The following COL11A1 variants were observed in gnomAD, a reference collection of about 807,000 sequenced individuals.
The protein encoded by COL11A1 is collagen alpha-1(XI) chain.
Under a neutral mutation model 265.2 loss-of-function variants are expected in COL11A1, and 74 were observed. That is an observed-to-expected ratio of 0.28 (90% CI 0.23 to 0.34). COL11A1 has a LOEUF of 0.34. Among genes scored for constraint, COL11A1 ranks in the 10% least tolerant of loss-of-function variants. The pLI, the probability that COL11A1 is intolerant of heterozygous loss-of-function variation, is 1.00. For synonymous variants in COL11A1, 816 were observed against 727.6 expected (o/e 1.12, Z -1.96); for missense variants, 2,165 against 2,263.6 (o/e 0.96, Z 0.88).
intron 4 of COL11A1, 56 bp downstream of exon 4, chr1:103,074,562 T>C: frequency 6.3e-7 from 1 of 1,591,244 alleles, no homozygotes; most frequent in Non-Finnish European, 8.6e-7. Context: ...TTTACTGTTG[T>C]TAACCCAGTT....
intron 4 of COL11A1, among the ~76,000 whole-genome samples, chr1:103,058,061 A>C (rs1329658220): frequency 6.6e-6 from 1 of 152,202 alleles, no homozygotes; most frequent in Non-Finnish European, 1.5e-5. Context: ...TTTTGTTTAC[A>C]TTGGAAATCT....
chr1:102,985,563 A>T (rs1663454484), intron 30 of COL11A1, among the ~76,000 whole-genome samples: 1 of 152,182 alleles, frequency 6.6e-6, no homozygotes, highest in African/African-American at 2.4e-5. Flanking sequence ...TAATTACCAC[A>T]TTAGAATGTA....
At position 102,984,180 on chromosome 1, in the gene COL11A1, T is replaced by A; in HGVS notation, c.2514A>T (p.Gly838=). ...CTGGATATCCTGGTAATCCTGGAAC[T>A]CCAAGTTTTCCCTACAGTTAAAATA... The part of the protein sequence containing the change: ...SGQAGEKGKL[G]VPGLPGYPGR... Residue 838 remains glycine, a synonymous_variant, in exon 31 of 67, where the codon GGA becomes GGT. Coordinates refer to ENST00000370096, the MANE Select transcript of COL11A1 (RefSeq NM_001854.4). 1.3e-6 allele frequency: 2 copies of A among 1,595,426 alleles called. No homozygotes were observed. Among genetic ancestry groups the A allele is most frequent in the African/African-American group, 2.7e-5 (2 of 74,632 alleles).
intron 46 of COL11A1, among the ~76,000 whole-genome samples, chr1:102,928,654 C>T (rs1656953878): frequency 6.6e-6 from 1 of 150,858 alleles, no homozygotes; most frequent in East Asian, 2.0e-4. Flanking sequence ...GTTCTAGATC[C>T]CTGAGGAATC....
intron 1 of COL11A1, among the ~76,000 whole-genome samples, chr1:103,103,555 A>G (rs527647473): frequency 1.5e-4 from 23 of 151,992 alleles, no homozygotes; most frequent in Non-Finnish European, 3.1e-4. Flanking sequence ...TTCTGTAACT[A>G]TTTTCTATTT....
At position 102,940,342 on chromosome 1, in the gene COL11A1, C is replaced by T. The variant is rs1658591286; in HGVS notation, c.3369G>A (p.Gly1123=). The change falls in exon 43 of 67, where the codon GGG becomes GGA. Residue 1123 remains glycine, a synonymous_variant. Transcript: ENST00000370096. ...GAATACCAACCTTGTCTCCGTCTTC[C>T]CCAGGGGAGCCGGCAGGACCAGCTG... is the stretch of plus-strand genomic sequence containing the variant. ...PGPAGPAGSP[G]EDGDKGEIGE... 11 of 1,613,670 alleles carry T rather than the reference C, an allele frequency of 6.8e-6. No homozygotes were observed. In the South Asian group the frequency reaches 9.9e-5, roughly 14 times the overall value.
chr1:102,891,372 A>G (rs1426515781), intron 57 of COL11A1, among the ~76,000 whole-genome samples: 2 of 150,942 alleles, frequency 1.3e-5, no homozygotes, highest in African/African-American at 4.8e-5. Flanking sequence ...ATGATTTATG[A>G]AATTAATAAA....
intron 46 of COL11A1, 70 bp from the exon 47 acceptor site, chr1:102,923,459 TA>T: frequency 8.4e-7 from 1 of 1,192,914 alleles, no homozygotes; most frequent in Non-Finnish European, 1.2e-6. Flanking sequence ...GGTCAATTTC[TA>T]AGATAAAATC....
At chr1:103,105,083 T>TG in intron 1 of COL11A1, among the ~76,000 whole-genome samples, 1 of 149,602 alleles carries the variant, frequency 6.7e-6, no homozygotes, top group Middle Eastern at 3.4e-3. Flanking sequence ...TCAATTAGAT[T>TG]TTTTTTTTTT....
chr1:102,909,669 C>A (rs2101000955), intron 54 of COL11A1, among the ~76,000 whole-genome samples: 1 of 152,074 alleles, frequency 6.6e-6, no homozygotes, highest in African/African-American at 2.4e-5. Context: ...AGGTCCAACT[C>A]AGATGTAAAT....
intron 63 of COL11A1, among the ~76,000 whole-genome samples, chr1:102,886,281 G>A (rs766964689): frequency 6.6e-6 from 1 of 152,100 alleles, no homozygotes; most frequent in Non-Finnish European, 1.5e-5. Context: ...ATTCACAGCT[G>A]TTTGGAATAT....
At chr1:103,027,170 A>G (rs1667584613) in intron 5 of COL11A1, among the ~76,000 whole-genome samples, 1 of 151,146 alleles carries the variant, frequency 6.6e-6, no homozygotes, top group Non-Finnish European at 1.5e-5. Context: ...AATTAAGGAG[A>G]GATATGTTTC....
At chr1:103,027,013 T>C (rs575314078) in intron 5 of COL11A1, among the ~76,000 whole-genome samples, 8 of 151,906 alleles carry the variant, frequency 5.3e-5, no homozygotes, top group Non-Finnish European at 8.8e-5. Context: ...TAGATGTGCT[T>C]ATAATTAATA....
intron 44 of COL11A1, among the ~76,000 whole-genome samples, chr1:102,936,264 A>G (rs1368926999): frequency 6.6e-6 from 1 of 151,444 alleles, no homozygotes; most frequent in Non-Finnish European, 1.5e-5. Context: ...CCCTACAAAC[A>G]TTTGGATTAT....
intron 30 of COL11A1, 68 bp downstream of exon 30, chr1:102,987,565 A>G: frequency 8.3e-7 from 1 of 1,206,316 alleles, no homozygotes; most frequent in Non-Finnish European, 1.2e-6. Flanking sequence ...CCAGTTATTG[A>G]AAGAAATTTA....
At chr1:102,989,950 C>T (rs1039393664) in intron 28 of COL11A1, among the ~76,000 whole-genome samples, 3 of 152,062 alleles carry the variant, frequency 2.0e-5, no homozygotes, top group Admixed American at 6.6e-5. Context: ...CTTTGGTAGG[C>T]GGAGGCGGGC....
At position 102,877,783 on chromosome 1, in the gene COL11A1, G is replaced by A; in HGVS notation, c.*236C>T. 1 of 427,888 alleles carries A rather than the reference G, an allele frequency of 2.3e-6. No individual in the cohort carries two copies. The allele number at this position is 427,888 out of a possible 1,614,324, so 26.5% of individuals were successfully genotyped here. ...TAGGAAAAGGAGAGTTGAGAATTGGGAATCAAGAATCAGCCCTGTTTCCAT... is the reference window on the plus strand; with the variant it reads ...TAGGAAAAGGAGAGTTGAGAATTGGAAATCAAGAATCAGCCCTGTTTCCAT... On this transcript the variant is annotated 3_prime_UTR_variant, in exon 67 of 67. Transcript: ENST00000370096.
intron 9 of COL11A1, among the ~76,000 whole-genome samples, chr1:103,019,759 C>T (rs924581224): frequency 2.4e-5 from 3 of 122,550 alleles, no homozygotes; most frequent in Non-Finnish European, 4.9e-5. Context: ...CCACAACAGT[C>T]CCCAGAGTGT....
chr1:102,889,330 CTTAAA>C lies in COL11A1; in HGVS notation c.4464+120_4464+124del, dbSNP rs1651428180. 4.2e-5 allele frequency: 32 copies of C among 761,162 alleles called. No individual in the cohort carries two copies. The South Asian group carries it at 4.8e-4, about 11-fold the overall frequency. The allele number at this position is 761,162 out of a possible 1,614,324, so 47.2% of individuals were successfully genotyped here. A position where few individuals can be genotyped will look rare whatever the true frequency, so the allele number is the denominator to read the frequency against. ...AATATCTTTTTAAGAACATTACTGA[CTTAAA>C]TTAGAATTAAGACACTCTAAATTCT... On this transcript the variant is annotated intron_variant, in intron 59 of 66. Transcript: ENST00000370096.
Sources: gnomAD v4.1 joint callset for allele counts (sites outside exome capture counted in the v4.1 genomes callset) on GRCh38, gnomAD v4.1.1 for gene constraint, MANE v1.5 for transcripts, NCBI Gene and HGNC (gene_info 2026-07-23, HGNC 2026-07-21) for gene names.